TGFBR3: variants seen among roughly 807,000 people sequenced by gnomAD.
The protein encoded by TGFBR3 is transforming growth factor beta receptor 3.
In TGFBR3, 46 loss-of-function variants were observed where a neutral mutation model predicts 87.9. The ratio of observed to expected loss-of-function variants is 0.52; its 90% CI spans 0.41 to 0.67. The LOEUF (loss-of-function observed/expected upper bound fraction) is 0.67, where lower values mean the gene tolerates loss of function less well. Ranked by LOEUF, TGFBR3 falls within the 30% of genes least tolerant of loss-of-function variation. The pLI is 0.00. For missense variants in TGFBR3, 866 were observed against 1,041.9 expected (o/e 0.83, Z 2.32); for synonymous variants, 381 against 391.6 (o/e 0.97, Z 0.32).
chr1:91,831,008 C>G (rs539403200), intron 2 of TGFBR3, among the ~76,000 whole-genome samples: 5 of 152,170 alleles, frequency 3.3e-5, no homozygotes, highest in African/African-American at 1.2e-4. Context: ...TCCCAAAGGT[C>G]TCTTCAAGTT....
chr1:91,880,041 G>T (rs1324588642), intron 1 of TGFBR3, among the ~76,000 whole-genome samples: 1 of 152,164 alleles, frequency 6.6e-6, no homozygotes, highest in Non-Finnish European at 1.5e-5. Flanking sequence ...TGCAGAACCA[G>T]AGAAGTTACT....
chr1:91,898,140 C>T (rs1679591532), intron 2 of TGFBR3, among the ~76,000 whole-genome samples: 1 of 152,026 alleles, frequency 6.6e-6, no homozygotes, highest in African/African-American at 2.4e-5. Flanking sequence ...AGCCCCCTTG[C>T]ACTCCCCTCA....
intron 12 of TGFBR3, among the ~76,000 whole-genome samples, chr1:91,712,821 C>T (rs190567689): frequency 6.6e-6 from 1 of 152,192 alleles, no homozygotes; most frequent in East Asian, 1.9e-4. Context: ...TTCCACCTCC[C>T]AATGAGTCCT....
chr1:91,897,090 T>C (rs1349622592), intron 2 of TGFBR3, among the ~76,000 whole-genome samples: 2 of 152,228 alleles, frequency 1.3e-5, no homozygotes, highest in Non-Finnish European at 2.9e-5. Context: ...ACTTATATAC[T>C]TGCCTGGTTG....
chr1:91,833,209 T>C (rs1676921454), intron 2 of TGFBR3, among the ~76,000 whole-genome samples: 1 of 145,066 alleles, frequency 6.9e-6, no homozygotes, highest in Non-Finnish European at 1.5e-5. Context: ...GGCAGAAGAA[T>C]CGCTTGAACC....
At chr1:91,758,845 T>A in intron 3 of TGFBR3, 95 bp from the exon 4 acceptor site, 1 of 1,454,810 alleles carries the variant, frequency 6.9e-7, no homozygotes, top group Non-Finnish European at 9.6e-7. Context: ...TGCAACTCAC[T>A]ATCAACAGAA....
Position 91,778,778 on chromosome 1 carries a change from G to A in TGFBR3, c.246+18509C>T, listed in dbSNP as rs115123575. On this transcript the variant is annotated intron_variant, in intron 3 of 16. Coordinates refer to ENST00000212355, the MANE Select transcript of TGFBR3 (RefSeq NM_003243.5). ...CATCTATACTGATGATATACTAGCAGAAGAGATAGACAGTGAACATATTTA... is the reference window on the plus strand; with the variant it reads ...CATCTATACTGATGATATACTAGCAAAAGAGATAGACAGTGAACATATTTA... Among the ~76,000 whole-genome samples the A allele has an allele frequency of 8.9e-3, 1,352 of 152,300 alleles. 22 individuals carry two copies. The highest frequency in any genetic ancestry group is 0.03 in the African/African-American group (1,262 of 41,560).
chr1:91,731,900 G>A (rs191343739), intron 5 of TGFBR3, among the ~76,000 whole-genome samples: 1 of 152,340 alleles, frequency 6.6e-6, no homozygotes, highest in East Asian at 1.9e-4. Context: ...AGTCCCAGAA[G>A]CCATTGTCAC....
intron 2 of TGFBR3, among the ~76,000 whole-genome samples, chr1:91,860,943 A>AAAAAAAAAAAAAAAAAAAAAAAAAAC (rs1678163087): frequency 6.7e-6 from 1 of 149,046 alleles, no homozygotes; most frequent in Non-Finnish European, 1.5e-5. Context: ...ACAAAAAAAA[A>AAAAAAAAAAAAAAAAAAAAAAAAAAC]AAAAAAAAAA....
At position 91,758,642 on chromosome 1, in the gene TGFBR3, G is replaced by A. The variant is rs146325720; in HGVS notation, c.355C>T (p.Leu119Phe). The change falls in exon 4 of 17, where the codon CTT becomes TTT. Residue 119 changes from leucine (L) to phenylalanine (F), a missense_variant. Transcript: ENST00000212355. ...AACAGTCTGGAGACCCCAGTGGCAA[G>A]TCTCTCTGTCTTCAGATGCCACACC... ...PLVWHLKTER[L>F]ATGVSRLFLV... 6.2e-7 allele frequency: 1 copy of A among 1,614,036 alleles called. No individual in the cohort carries two copies. Among genetic ancestry groups the A allele is most frequent in the African/African-American group, 1.3e-5 (1 of 75,014 alleles).
chr1:91,896,753 G>T (rs760984600), intron 2 of TGFBR3, among the ~76,000 whole-genome samples: 1 of 152,066 alleles, frequency 6.6e-6, no homozygotes, highest in Non-Finnish European at 1.5e-5. Context: ...TTTTAAAAAT[G>T]ATGTCCATAC....
intron 1 of TGFBR3, among the ~76,000 whole-genome samples, chr1:91,876,299 G>A (rs965665672): frequency 1.3e-5 from 2 of 152,192 alleles, no homozygotes; most frequent in Non-Finnish European, 2.9e-5. Context: ...ACTAAGACCT[G>A]CCGGGGCTGA....
chr1:91,761,206 A>C (rs1004069389), intron 3 of TGFBR3, among the ~76,000 whole-genome samples: 13 of 152,242 alleles, frequency 8.5e-5, no homozygotes, highest in Admixed American at 1.3e-4. Context: ...TTTCAAATGA[A>C]CAAGAATTTT....
intron 15 of TGFBR3, among the ~76,000 whole-genome samples, chr1:91,697,525 AT>A (rs1401827384): frequency 6.6e-6 from 1 of 152,212 alleles, no homozygotes; most frequent in African/African-American, 2.4e-5. Flanking sequence ...CTGGGTCAGC[AT>A]TTTCTTCTGC....
intron 16 of TGFBR3, 59 bp from the exon 17 acceptor site, chr1:91,683,916 C>A (rs1671004092): frequency 3.5e-6 from 5 of 1,438,062 alleles, no homozygotes; most frequent in Non-Finnish European, 4.8e-6. Context: ...TATGTGCATT[C>A]CTGAAAAGAT....
intron 15 of TGFBR3, among the ~76,000 whole-genome samples, chr1:91,696,933 T>C (rs2100719436): frequency 1.3e-5 from 2 of 152,286 alleles, no homozygotes; most frequent in Middle Eastern, 6.8e-3. Flanking sequence ...GGAACAAGTC[T>C]GGAAGGATCC....
At chr1:91,889,230 C>T (rs901876859), upstream of TGFBR3, among the ~76,000 whole-genome samples, 3 of 152,260 alleles carry the variant, frequency 2.0e-5, no homozygotes, top group South Asian at 4.1e-4. Context: ...CTTCTCACAG[C>T]CCTCTAAGAA....
At chr1:91,895,861 C>A (rs927178190) in intron 2 of TGFBR3, among the ~76,000 whole-genome samples, 3 of 152,176 alleles carry the variant, frequency 2.0e-5, no homozygotes, top group Non-Finnish European at 4.4e-5. Flanking sequence ...CCCAGTAGCT[C>A]AGGTCAAACA....
chr1:91,733,032 T>C (rs1222308667), intron 5 of TGFBR3, among the ~76,000 whole-genome samples: 1 of 152,228 alleles, frequency 6.6e-6, no homozygotes, highest in Non-Finnish European at 1.5e-5. Flanking sequence ...GCTTAGAGTC[T>C]TTATTAAAAG....
Sources: gnomAD v4.1 joint callset for allele counts (sites outside exome capture counted in the v4.1 genomes callset) on GRCh38, gnomAD v4.1.1 for gene constraint, MANE v1.5 for transcripts, NCBI Gene and HGNC (gene_info 2026-07-23, HGNC 2026-07-21) for gene names.